Variants in PTPRN observed in about 807,000 individuals in gnomAD.
PTPRN encodes the protein protein tyrosine phosphatase receptor type N.
PTPRN carries 70 observed loss-of-function variants against 108.5 expected under a neutral mutation model. The observed-to-expected ratio is 0.65, with a 90% CI of 0.53 to 0.79. The LOEUF is 0.79. Among genes scored for constraint, PTPRN ranks in the 30% least tolerant of loss-of-function variants. PTPRN has a pLI of 0.00. For synonymous variants in PTPRN, 496 were observed against 524.6 expected (o/e 0.95, Z 0.75); for missense variants, 1,136 against 1,295.5 (o/e 0.88, Z 1.89).
rs778902412 is a variant in PTPRN at position 219,300,955 on chromosome 2, A to G, written c.1149T>C (p.Ala383=). 1.2e-6 allele frequency: 2 copies of G among 1,614,156 alleles called. No homozygotes were observed. Among genetic ancestry groups the G allele is most frequent in the East Asian group, 4.5e-5 (2 of 44,888 alleles). Residue 383 remains alanine (A), a synonymous_variant, in exon 8 of 23, where the codon GCT becomes GCC. Coordinates refer to ENST00000295718, the MANE Select transcript of PTPRN (RefSeq NM_002846.4). Reference sequence around the variant, plus strand: ...GCTGGGGACTCACTTTCTTGATATCAGCTCCAACATTTACAACCCCTCCTG... The same window carrying G: ...GCTGGGGACTCACTTTCTTGATATCGGCTCCAACATTTACAACCCCTCCTG... ...RNPGGVVNVG[A]DIKKTMEGPV...
Position 219,302,140 on chromosome 2 carries a change from G to T in PTPRN, c.991C>A (p.Pro331Thr). The T allele has an allele frequency of 6.3e-7, 1 of 1,576,918 alleles. No individual in the cohort carries two copies. ...TGGATGCTGAGGACCTTGTTACCTG[G>T]CTGCACAGCTGGGGAAGCAGGCTTC... is the stretch of plus-strand genomic sequence containing the variant. ...GEKPASPAVQ[P>T]DAALQRLAAV... The change falls in exon 6 of 23, where the codon CCA becomes ACA. Residue 331 changes from proline (P) to threonine (T), a missense_variant. Pro to Thr is a conservative substitution (Grantham distance 38). Coordinates refer to ENST00000295718, the MANE Select transcript of PTPRN (RefSeq NM_002846.4).
chr2:219,298,183 A>C, intron 12 of PTPRN, 80 bp from the exon 13 acceptor site: 2 of 1,389,138 alleles, frequency 1.4e-6, no homozygotes, highest in Non-Finnish European at 2.0e-6. Context: ...GTCCCATGCC[A>C]CACCCCCTGT....
At position 219,297,816 on chromosome 2, in the gene PTPRN, T is replaced by A. The variant is rs1952238413; in HGVS notation, c.1887+69A>T. On this transcript the variant is annotated intron_variant, in intron 13 of 22. Transcript: ENST00000295718. The surrounding 1 kb of genome is among the most constrained non-coding windows in gnomAD (Gnocchi z 6.0). Reference sequence around the variant, plus strand: ...CTCCCCATTCAGTTCCGACCCTTAGTCCACGCAAGACCCAGACTCCCAGGC... The same window carrying A: ...CTCCCCATTCAGTTCCGACCCTTAGACCACGCAAGACCCAGACTCCCAGGC... 1 of 1,497,816 alleles carries A rather than the reference T, an allele frequency of 6.7e-7. No homozygotes were observed. Among genetic ancestry groups the A allele is most frequent in the Non-Finnish European group, 9.0e-7 (1 of 1,110,666 alleles). 92.8% of individuals were successfully genotyped at this position (1,497,816 alleles called of 1,614,324 possible).
At chr2:219,308,912 C>T (rs1052232659) in intron 1 of PTPRN, 1 of 1,387,294 alleles carries the variant, frequency 7.2e-7, no homozygotes, top group Non-Finnish European at 9.6e-7. Context: ...AGTGGCTTCT[C>T]CTGTGGTCTC....
rs1454422481 is a variant in PTPRN at position 219,296,639 on chromosome 2, C to T, written c.2310+110G>A. On this transcript the variant is annotated intron_variant, in intron 16 of 22. Transcript: ENST00000295718. This position sits in a 1 kb window ranked among gnomAD's most constrained non-coding sequence, Gnocchi z 6.0. The stretch of plus-strand genomic sequence containing the variant: ...GTTCCCCCTTGCTAGGATATCAGGC[C>T]CCACCACTCCAGGGGGTTGGTGGGG... 4 of 1,557,274 alleles carry T rather than the reference C, an allele frequency of 2.6e-6. No homozygotes were observed. The African/African-American group carries it at 4.1e-5, about 16-fold the overall frequency.
rs1952151868 is a variant in PTPRN at position 219,295,034 on chromosome 2, G to A, written c.2616C>T (p.Phe872=). ...GTGTGCCCTCTGCCGGCCAGCTGAGGAAGTGGAACTGCGTGAGCGTGCGCG... is the reference window on the plus strand; with the variant it reads ...GTGTGCCCTCTGCCGGCCAGCTGAGAAAGTGGAACTGCGTGAGCGTGCGCG... ...QETRTLTQFH[F]LSWPAEGTPA... Residue 872 remains phenylalanine (F), a synonymous_variant, in exon 19 of 23, where the codon TTC becomes TTT. Transcript: ENST00000295718. The A allele has an allele frequency of 6.2e-7, 1 of 1,612,846 alleles. No homozygotes were observed.
chr2:219,296,454 G>T lies in PTPRN; in HGVS notation c.2373C>A (p.Ile791=). Residue 791 remains isoleucine, a synonymous_variant, in exon 17 of 23, where the codon ATC becomes ATA. Transcript: ENST00000295718. The surrounding 1 kb of genome is among the most constrained non-coding windows in gnomAD (Gnocchi z 6.0). ...IATQGPLSHT[I]ADFWQMVWES... is the part of the protein sequence containing the mutation. ...AAGAGCCCACCTGCCAGAAGTCTGC[G>T]ATGGTATGGGACAGCGGGCCCTGCG... 6.2e-7 allele frequency: 1 copy of T among 1,614,192 alleles called. No individual in the cohort carries two copies. The highest frequency in any genetic ancestry group is 8.5e-7 in the Non-Finnish European group (1 of 1,180,022).
At position 219,302,430 on chromosome 2, in the gene PTPRN, G is replaced by A. The variant is rs1456721999; in HGVS notation, c.701C>T (p.Pro234Leu). The change falls in exon 6 of 23, where the codon CCC (proline) becomes CTC (leucine). Residue 234 changes from proline (P) to leucine (L), a missense_variant. Pro to Leu is a moderately conservative substitution (Grantham distance 98). Transcript: ENST00000295718. The part of the protein sequence containing the change: ...EGSPGMVSVG[P>L]LPKAEAPALF... ...GGCAGGGGCTTCAGCCTTGGGCAGG[G>A]GGCCGACACTGACCATCCCTGGGGA... The A allele has an allele frequency of 1.2e-6, 2 of 1,614,052 alleles. No homozygotes were observed. Among genetic ancestry groups the A allele is most frequent in the African/African-American group, 1.3e-5 (1 of 74,932 alleles).
chr2:219,294,908 G>C, intron 19 of PTPRN, 67 bp downstream of exon 19: 1 of 1,363,664 alleles, frequency 7.3e-7, no homozygotes, highest in Non-Finnish European at 9.5e-7. Flanking sequence ...TCCAGGCCGA[G>C]CGGCGGGCGG....
rs1442005041 is a variant in PTPRN at position 219,290,517 on chromosome 2, G to A, written c.2868+21C>T. 6 of 1,548,066 alleles carry A rather than the reference G, an allele frequency of 3.9e-6. No homozygotes were observed. Among genetic ancestry groups the A allele is most frequent in the Middle Eastern group, 1.7e-4 (1 of 5,836 alleles). The stretch of plus-strand genomic sequence containing the variant: ...CTAGGGAAGGGTGGGAGCTGGGGTT[G>A]GGGCAGGAAGGCATGGTCACCTTAG... On this transcript the variant is annotated intron_variant, in intron 22 of 22. Coordinates refer to ENST00000295718, the MANE Select transcript of PTPRN (RefSeq NM_002846.4). The surrounding 1 kb of genome is among the most constrained non-coding windows in gnomAD (Gnocchi z 4.2).
chr2:219,296,006 G>T lies in PTPRN; in HGVS notation c.2508+220C>A. ...CACACACACACACACACACACACAT[G>T]TATGTTCTGTAAACAGGACACACAC... On this transcript the variant is annotated intron_variant, in intron 18 of 22. Coordinates refer to ENST00000295718, the MANE Select transcript of PTPRN (RefSeq NM_002846.4). The surrounding 1 kb of genome is among the most constrained non-coding windows in gnomAD (Gnocchi z 6.0). 5 of 564,428 alleles carry T rather than the reference G, an allele frequency of 8.9e-6. No homozygotes were observed. The highest frequency in any genetic ancestry group is 1.2e-5 in the Non-Finnish European group (4 of 331,492). The allele number at this position is 564,428 out of a possible 1,614,324, so 35.0% of individuals were successfully genotyped here.
rs370887343 is a variant in PTPRN, at chr2:219,302,768, G to A, written c.447C>T (p.Ser149=). The change falls in exon 5 of 23, where the codon TCC becomes TCT. Residue 149 remains serine (S), a synonymous_variant. Transcript: ENST00000295718. Reference sequence around the variant, plus strand: ...GAAGCCGATGCTGGGCAGCAGGGGCGGAGCCAGTGGGGATGTCCTGTAAAA... The same window carrying A: ...GAAGCCGATGCTGGGCAGCAGGGGCAGAGCCAGTGGGGATGTCCTGTAAAA... ...ELLLQDIPTG[S]APAAQHRLPQ... is the part of the protein sequence containing the mutation. 2.0e-5 allele frequency: 33 copies of A among 1,613,798 alleles called. No individual in the cohort carries two copies. The highest frequency in any genetic ancestry group is 6.7e-5 in the East Asian group (3 of 44,880).
rs530182422 is a variant in PTPRN at position 219,301,583 on chromosome 2, C to G, written c.1126+5G>C. Reference sequence around the variant, plus strand: ...ATTGGTCCCTCCCTCTGCCTGGACACTTACCCGGATTTCTTCCTGCACCCT... The same window carrying G: ...ATTGGTCCCTCCCTCTGCCTGGACAGTTACCCGGATTTCTTCCTGCACCCT... On this transcript the variant is annotated splice_donor_5th_base_variant and intron_variant, in intron 7 of 22. Transcript: ENST00000295718. 2 of 1,604,660 alleles carry G rather than the reference C, an allele frequency of 1.2e-6. No individual in the cohort carries two copies. Among genetic ancestry groups the G allele is most frequent in the East Asian group, 2.2e-5 (1 of 44,592 alleles).
Position 219,290,887 on chromosome 2 carries a change from A to G in PTPRN, c.2733T>C (p.Asp911=), listed in dbSNP as rs1250972714. 1.9e-6 allele frequency: 3 copies of G among 1,613,870 alleles called. No individual in the cohort carries two copies. The highest frequency in any genetic ancestry group is 2.5e-6 in the Non-Finnish European group (3 of 1,179,776). Reference sequence around the variant, plus strand: ...TGTAGGTGCCGGTCCTCCCCGCACCATCACTGAAACAGGAGTTAGTGACAG... The same window carrying G: ...TGTAGGTGCCGGTCCTCCCCGCACCGTCACTGAAACAGGAGTTAGTGACAG... ...RSCPIIVHCS[D]GAGRTGTYIL... Residue 911 remains aspartate (D), a synonymous_variant, in exon 21 of 23, where the codon GAT becomes GAC. Transcript: ENST00000295718. The surrounding 1 kb of genome is among the most constrained non-coding windows in gnomAD (Gnocchi z 4.2).
intron 9 of PTPRN, 81 bp from the exon 10 acceptor site, chr2:219,299,867 C>G: frequency 1.3e-6 from 2 of 1,559,120 alleles, no homozygotes; most frequent in Admixed American, 3.6e-5. Context: ...TCCAGGGGTA[C>G]AGAGCAGCCT....
rs771738489 is a variant in PTPRN, at chr2:219,307,835, T to C, written c.123A>G (p.Leu41=). Residue 41 remains leucine, a synonymous_variant, in exon 2 of 23, where the codon CTA becomes CTG. Transcript: ENST00000295718. ...GGTGAGAGCAGAGCCTGCGGTCAAA[T>C]AGACAGCCTGTAGAGGAAAAGGTGA... ...GCSAVSAHGC[L]FDRRLCSHLE... 12 of 1,614,118 alleles carry C rather than the reference T, an allele frequency of 7.4e-6. No homozygotes were observed. Among genetic ancestry groups the C allele is most frequent in the Admixed American group, 1.7e-5 (1 of 60,026 alleles).
chr2:219,290,645 G>T lies in PTPRN; in HGVS notation c.2795-34C>A, dbSNP rs368911568. The T allele has an allele frequency of 1.4e-5, 21 of 1,540,678 alleles. No individual in the cohort carries two copies. Among genetic ancestry groups the T allele is most frequent in the Admixed American group, 5.9e-5 (3 of 51,002 alleles). ...GGAGGTGGGGATGGGGCTGCTCAGG[G>T]GGTGTCCAGAGGAGGACAGGACCCA... On this transcript the variant is annotated intron_variant, in intron 21 of 22. Transcript: ENST00000295718. This position sits in a 1 kb window ranked among gnomAD's most constrained non-coding sequence, Gnocchi z 4.2.
At position 219,290,698 on chromosome 2, in the gene PTPRN, G is replaced by C; in HGVS notation, c.2795-87C>G. 6.7e-7 allele frequency: 1 copy of C among 1,483,398 alleles called. No individual in the cohort carries two copies. Among genetic ancestry groups the C allele is most frequent in the Non-Finnish European group, 9.3e-7 (1 of 1,076,190 alleles). The allele number at this position is 1,483,398 out of a possible 1,614,324, so 91.9% of individuals were successfully genotyped here. Reference sequence around the variant, plus strand: ...AAACCTGAGGCCTCCTGGAGGCAAAGAGCCTTGGAGGGCTGGGCAGAGCCT... The same window carrying C: ...AAACCTGAGGCCTCCTGGAGGCAAACAGCCTTGGAGGGCTGGGCAGAGCCT... On this transcript the variant is annotated intron_variant, in intron 21 of 22. Transcript: ENST00000295718. The surrounding 1 kb of genome is among the most constrained non-coding windows in gnomAD (Gnocchi z 4.2).
intron 11 of PTPRN, 43 bp from the exon 12 acceptor site, chr2:219,299,154 G>T: frequency 6.2e-7 from 1 of 1,612,448 alleles, no homozygotes; most frequent in South Asian, 1.1e-5. Context: ...GCCCCATGTG[G>T]TCTCCATCCT....
Sources: allele counts gnomAD v4.1 joint callset, GRCh38; gene constraint gnomAD v4.1.1; non-coding constraint Gnocchi (gnomAD v3.1); transcripts MANE v1.5; gene names NCBI Gene and HGNC (gene_info 2026-07-23, HGNC 2026-07-21).